The following ADAMTS17 variants were observed in gnomAD, a reference collection of about 807,000 sequenced individuals.
The protein encoded by ADAMTS17 is A disintegrin and metalloproteinase with thrombospondin motifs 17.
A neutral mutation model predicts 141.5 loss-of-function variants in ADAMTS17; 113 were observed. The ratio of observed to expected loss-of-function variants is 0.80; its 90% confidence interval spans 0.69 to 0.93. The LOEUF is 0.93. ADAMTS17 is among the 40% of genes least tolerant of loss of function. ADAMTS17 has a pLI of 0.00. For missense variants in ADAMTS17, 1,659 were observed against 1,517.9 expected (o/e 1.09, Z -1.54); for synonymous variants, 768 against 630.6 (o/e 1.22, Z -3.27).
At chr15:100,196,589 A>G (rs961377444) in intron 8 of ADAMTS17, among the ~76,000 whole-genome samples, 7 of 152,258 alleles carry the variant, frequency 4.6e-5, no homozygotes, top group Non-Finnish European at 8.8e-5. Context: ...CTTTGTCAGC[A>G]TTCCATGGTA....
chr15:100,341,013 C>G (rs1187856752), intron 2 of ADAMTS17, 26 bp downstream of exon 2: 1 of 1,524,522 alleles, frequency 6.6e-7, no homozygotes, highest in Non-Finnish European at 8.8e-7. Context: ...CCGGACGGGC[C>G]GACCCGGAGG....
intron 3 of ADAMTS17, among the ~76,000 whole-genome samples, chr15:100,300,291 G>C (rs1023395690): frequency 1.3e-5 from 2 of 152,138 alleles, no homozygotes; most frequent in Non-Finnish European, 2.9e-5. Flanking sequence ...AGGCTTAGGG[G>C]TGAGAAAAAA....
intron 15 of ADAMTS17, among the ~76,000 whole-genome samples, chr15:100,084,297 G>A (rs1182484552): frequency 6.6e-6 from 1 of 152,222 alleles, no homozygotes; most frequent in Non-Finnish European, 1.5e-5. Context: ...GCTGGGGGTG[G>A]GGTGTCCGCC....
intron 13 of ADAMTS17, among the ~76,000 whole-genome samples, chr15:100,113,539 G>T (rs2036922704): frequency 1.3e-5 from 2 of 152,166 alleles, no homozygotes; most frequent in African/African-American, 4.8e-5. Context: ...ACTGTATGTG[G>T]CCCAAAAGGA....
rs530631326 is a variant in ADAMTS17 at position 100,324,299 on chromosome 15, C to T, written c.616+6590G>A. 9.2e-5 allele frequency among the ~76,000 whole-genome samples: 14 copies of T among 151,900 alleles called. 1 individual carries two copies. The South Asian group carries it at 1.9e-3, about 20-fold the overall frequency. On this transcript the variant is annotated intron_variant, in intron 3 of 21. Transcript: ENST00000268070. ...TAGCCAGGGTGACAGAGTGAGACTC[C>T]GTCTCAAATAAATAAATAAATAGAA...
At chr15:100,274,506 T>C (rs1273942459) in intron 4 of ADAMTS17, among the ~76,000 whole-genome samples, 1 of 152,220 alleles carries the variant, frequency 6.6e-6, no homozygotes, top group Non-Finnish European at 1.5e-5. Context: ...TTGGTTACAA[T>C]TAGCATGGAA....
chr15:100,157,888 CT>C (rs1215411149), intron 8 of ADAMTS17, among the ~76,000 whole-genome samples: 454 of 141,270 alleles, frequency 3.2e-3, no homozygotes, highest in African/African-American at 3.7e-3. Context: ...TAGCTATATT[CT>C]TTTTTTTTTT....
chr15:100,103,241 CAGT>C (rs1294986395), intron 14 of ADAMTS17, among the ~76,000 whole-genome samples: 1 of 152,218 alleles, frequency 6.6e-6, no homozygotes, highest in Non-Finnish European at 1.5e-5. Context: ...TTGGCACCCA[CAGT>C]AACACACGTT....
At chr15:100,134,587 T>A (rs1222226013) in intron 10 of ADAMTS17, among the ~76,000 whole-genome samples, 3 of 152,146 alleles carry the variant, frequency 2.0e-5, no homozygotes, top group Admixed American at 6.5e-5. Context: ...TCGAGTTCAG[T>A]TTAGAGGTCT....
chr15:100,222,921 A>G (rs898320840), intron 7 of ADAMTS17, among the ~76,000 whole-genome samples: 2 of 152,214 alleles, frequency 1.3e-5, no homozygotes, highest in Admixed American at 6.5e-5. Flanking sequence ...TAACATGGAC[A>G]CACTTTGCTG....
intron 12 of ADAMTS17, among the ~76,000 whole-genome samples, chr15:100,126,611 C>T (rs1339833042): frequency 6.6e-6 from 1 of 152,192 alleles, no homozygotes; most frequent in African/African-American, 2.4e-5. Context: ...ATGAGGTCTA[C>T]CTGGTGGTCT....
In ADAMTS17 at chr15:99,972,150, G is replaced by A. The variant is rs1474251792; in HGVS notation, c.*2252C>T. On this transcript the variant is annotated 3_prime_UTR_variant, in exon 22 of 22. Transcript: ENST00000268070. ...CCTGTAGTCCCAGCTACTGGGGAGG[G>A]TGAGGCAGAAGAATGGCCTGAACCC... The A allele has an allele frequency of 6.6e-6, 1 of 152,264 alleles. No individual in the cohort carries two copies. Among genetic ancestry groups the A allele is most frequent in the Non-Finnish European group, 1.5e-5 (1 of 68,174 alleles). 9.4% of individuals were successfully genotyped at this position (152,264 alleles called of 1,614,324 possible).
At position 100,252,698 on chromosome 15, in the gene ADAMTS17, C is replaced by A. The variant is rs560216751; in HGVS notation, c.1075+1438G>T. On this transcript the variant is annotated intron_variant, in intron 7 of 21. Coordinates refer to ENST00000268070, the MANE Select transcript of ADAMTS17 (RefSeq NM_139057.4). ...GCACTCCAGGGAAGCATCCTTCACA[C>A]GGCCTTTGTCTAGCAATTCCCTCAT... Among the ~76,000 whole-genome samples, 4 of 152,330 alleles carry A rather than the reference C, an allele frequency of 2.6e-5. No individual in the cohort carries two copies. The East Asian group carries it at 7.7e-4, about 29-fold the overall frequency.
intron 15 of ADAMTS17, among the ~76,000 whole-genome samples, chr15:100,094,232 G>C (rs560182630): frequency 6.6e-6 from 1 of 152,368 alleles, no homozygotes; most frequent in East Asian, 1.9e-4. Flanking sequence ...CAGCTGGAAG[G>C]ACACACACTA....
intron 12 of ADAMTS17, among the ~76,000 whole-genome samples, chr15:100,119,366 C>T (rs1278787492): frequency 6.6e-6 from 1 of 152,128 alleles, no homozygotes; most frequent in Non-Finnish European, 1.5e-5. Context: ...GACATGAAGT[C>T]ATGAGGAACA....
At chr15:100,315,552 C>A (rs746188861) in intron 3 of ADAMTS17, among the ~76,000 whole-genome samples, 8 of 152,178 alleles carry the variant, frequency 5.3e-5, no homozygotes, top group Non-Finnish European at 7.4e-5. Flanking sequence ...AATGCAGAAG[C>A]CTGCCAGCTG....
intron 7 of ADAMTS17, among the ~76,000 whole-genome samples, chr15:100,210,752 G>C (rs1257336068): frequency 6.6e-6 from 1 of 151,282 alleles, no homozygotes. Context: ...GATCACTTGA[G>C]GTCAGGAGTT....
intron 7 of ADAMTS17, among the ~76,000 whole-genome samples, chr15:100,228,701 T>C (rs923634695): frequency 2.0e-5 from 3 of 152,322 alleles, no homozygotes; most frequent in Non-Finnish European, 4.4e-5. Flanking sequence ...AGAACTCCTA[T>C]TCTCTACCCC....
At chr15:100,299,857 C>T (rs1341300584) in intron 3 of ADAMTS17, among the ~76,000 whole-genome samples, 2 of 152,132 alleles carry the variant, frequency 1.3e-5, no homozygotes, top group Non-Finnish European at 2.9e-5. Flanking sequence ...ACCAAGCACA[C>T]CCTACGGGGG....
Sources: gnomAD v4.1 joint callset for allele counts (sites outside exome capture counted in the v4.1 genomes callset) on GRCh38, gnomAD v4.1.1 for gene constraint, MANE v1.5 for transcripts, NCBI Gene and HGNC (gene_info 2026-07-23, HGNC 2026-07-21) for gene names.